The following EPHA6 variants were observed in gnomAD, a reference collection of about 807,000 sequenced individuals.
The protein encoded by EPHA6 is EPH receptor A6, also known as ephrin type-A receptor 6.
EPHA6 carries 50 observed loss-of-function variants against 112.0 expected under a neutral mutation model. The observed-to-expected ratio is 0.45, with a 90% CI of 0.36 to 0.56. The LOEUF is 0.56. Among genes scored for constraint, EPHA6 ranks in the 20% least tolerant of loss-of-function variants. The probability of loss-of-function intolerance (pLI) is 0.00; values close to 1 mark genes in which losing one functional copy is unlikely to be tolerated. For synonymous variants in EPHA6, 529 were observed against 490.7 expected, an observed-to-expected ratio of 1.08 and a Z score of -1.03; for missense variants, 1,280 against 1,417.4, an observed-to-expected ratio of 0.90 and a Z score of 1.56.
intron 6 of EPHA6, chr3:97,441,281 G>T (rs969420374): frequency 6.3e-6 from 1 of 158,784 alleles, no homozygotes; most frequent in South Asian, 2.0e-4. Flanking sequence ...TAACAGGAAG[G>T]GTTTATCTTA....
intron 6 of EPHA6, among the ~76,000 whole-genome samples, chr3:97,415,204 T>C (rs1317512413): frequency 1.3e-5 from 2 of 152,082 alleles, no homozygotes; most frequent in African/African-American, 4.8e-5. Context: ...GGAGTAGTTA[T>C]CTGTAATCTA....
intron 2 of EPHA6, among the ~76,000 whole-genome samples, chr3:96,880,690 C>T (rs373523243): frequency 6.6e-6 from 1 of 152,042 alleles, no homozygotes; most frequent in East Asian, 1.9e-4. Flanking sequence ...CCCATTCTTC[C>T]TCCCCCCACC....
intron 2 of EPHA6, among the ~76,000 whole-genome samples, chr3:96,948,312 T>C (rs902540400): frequency 6.6e-6 from 1 of 152,188 alleles, no homozygotes; most frequent in African/African-American, 2.4e-5. Flanking sequence ...TCTTGTCAAC[T>C]ACCACATAAA....
At chr3:96,911,671 G>A (rs2039221706) in intron 2 of EPHA6, among the ~76,000 whole-genome samples, 1 of 151,910 alleles carries the variant, frequency 6.6e-6, no homozygotes, top group South Asian at 2.1e-4. Context: ...CTTTCGATAT[G>A]TTTTAAATAT....
intron 3 of EPHA6, among the ~76,000 whole-genome samples, chr3:97,089,452 T>C (rs1350050552): frequency 6.6e-6 from 1 of 152,138 alleles, no homozygotes; most frequent in Non-Finnish European, 1.5e-5. Flanking sequence ...TCTGTATTCT[T>C]TCTGTAATCT....
At chr3:97,362,747 T>C (rs942600552) in intron 5 of EPHA6, among the ~76,000 whole-genome samples, 5 of 152,162 alleles carry the variant, frequency 3.3e-5, no homozygotes, top group African/African-American at 9.6e-5. Flanking sequence ...GGAAAGTCTA[T>C]TGAAGTATGC....
chr3:97,575,276 A>G (rs1434302662), intron 11 of EPHA6, among the ~76,000 whole-genome samples: 2 of 152,228 alleles, frequency 1.3e-5, no homozygotes, highest in East Asian at 3.9e-4. Context: ...GCAATAACCT[A>G]ATACTCATCA....
At chr3:97,545,853 T>G (rs936938412) in intron 11 of EPHA6, among the ~76,000 whole-genome samples, 5 of 152,224 alleles carry the variant, frequency 3.3e-5, no homozygotes, top group Non-Finnish European at 7.3e-5. Flanking sequence ...CTTTGTTGGT[T>G]TAAAGTCTGT....
chr3:96,847,080 A>G (rs949369988), intron 1 of EPHA6, among the ~76,000 whole-genome samples: 5 of 152,048 alleles, frequency 3.3e-5, no homozygotes, highest in African/African-American at 7.2e-5. Flanking sequence ...GCTAACTGGT[A>G]TCTTTTAGAA....
At chr3:97,614,590 G>A (rs950845495) in intron 13 of EPHA6, among the ~76,000 whole-genome samples, 3 of 144,380 alleles carry the variant, frequency 2.1e-5, no homozygotes, top group African/African-American at 5.1e-5. Context: ...CTTATCTCAT[G>A]ATCCGCCTGC....
chr3:97,650,856 CAAAAA>C (rs11377339), intron 14 of EPHA6, among the ~76,000 whole-genome samples: 3 of 96,052 alleles, frequency 3.1e-5, no homozygotes, highest in Non-Finnish European at 4.1e-5. Context: ...GACTCCATCT[CAAAAA>C]AAAAAAAAAA....
At chr3:97,266,409 G>C (rs2079685269) in intron 5 of EPHA6, among the ~76,000 whole-genome samples, 1 of 151,942 alleles carries the variant, frequency 6.6e-6, no homozygotes, top group African/African-American at 2.4e-5. Flanking sequence ...TAAATGTAAT[G>C]GTGACAAGTA....
chr3:97,570,022 C>A (rs1213646890), intron 11 of EPHA6: 1 of 151,828 alleles, frequency 6.6e-6, no homozygotes, highest in Non-Finnish European at 1.5e-5. Context: ...CGTGTAGAAT[C>A]GACTCACACT....
intron 3 of EPHA6, among the ~76,000 whole-genome samples, chr3:97,045,017 T>G (rs942932098): frequency 2.6e-5 from 4 of 152,092 alleles, no homozygotes; most frequent in African/African-American, 9.7e-5. Flanking sequence ...TATATCAATT[T>G]GAATGTTTAA....
chr3:97,748,470 T>G (rs897440938), intron 17 of EPHA6, 117 bp from the exon 18 acceptor site: 2 of 634,092 alleles, frequency 3.2e-6, no homozygotes, highest in African/African-American at 3.6e-5. Flanking sequence ...TATTTAAATA[T>G]TCACTTTATC....
At chr3:97,650,517 A>G (rs1037213017) in intron 14 of EPHA6, among the ~76,000 whole-genome samples, 1 of 152,080 alleles carries the variant, frequency 6.6e-6, no homozygotes, top group African/African-American at 2.4e-5. Context: ...CAAAGGAAAA[A>G]ATGATTGATA....
chr3:96,947,385 A>T (rs1038096601), intron 2 of EPHA6, among the ~76,000 whole-genome samples: 1 of 152,152 alleles, frequency 6.6e-6, no homozygotes, highest in African/African-American at 2.4e-5. Context: ...ATCCAGTTTC[A>T]GCTTTCTACA....
intron 2 of EPHA6, among the ~76,000 whole-genome samples, chr3:96,914,644 T>C (rs1426310010): frequency 6.6e-6 from 1 of 152,136 alleles, no homozygotes; most frequent in African/African-American, 2.4e-5. Context: ...ATGGCAGAGT[T>C]TAGTAGAGAA....
intron 2 of EPHA6, among the ~76,000 whole-genome samples, chr3:96,889,324 G>T (rs1277187096): frequency 6.6e-6 from 1 of 151,994 alleles, no homozygotes; most frequent in East Asian, 1.9e-4. Context: ...CACTCTACAG[G>T]TATCAATTTA....
Sources: allele counts gnomAD v4.1 joint callset (sites outside exome capture counted in the v4.1 genomes callset), GRCh38; gene constraint gnomAD v4.1.1; transcripts MANE v1.5; gene names NCBI Gene and HGNC (gene_info 2026-07-23, HGNC 2026-07-21).